The following PKN2 variants were observed in gnomAD, a reference collection of about 807,000 sequenced individuals.
The protein encoded by PKN2 is protein kinase N2.
PKN2 carries 38 observed loss-of-function variants against 119.1 expected under a neutral mutation model. The ratio of observed to expected loss-of-function variants is 0.32; its 90% CI spans 0.25 to 0.42. The LOEUF is 0.42. PKN2 is among the 10% of genes least tolerant of loss of function. The pLI, the probability that PKN2 is intolerant of heterozygous loss-of-function variation, is 1.00. For synonymous variants in PKN2, 390 were observed against 384.9 expected, an observed-to-expected ratio of 1.01 and a Z score of -0.15; for missense variants, 850 against 1,165.1, an observed-to-expected ratio of 0.73 and a Z score of 3.94.
intron 1 of PKN2, among the ~76,000 whole-genome samples, chr1:88,703,519 A>T (rs1030886771): frequency 2.0e-5 from 3 of 152,184 alleles, no homozygotes; most frequent in Admixed American, 6.5e-5. Context: ...CTGGCATTTG[A>T]AACTAGGTCT....
chr1:88,819,128 T>G (rs1672139281), intron 16 of PKN2, among the ~76,000 whole-genome samples: 1 of 152,112 alleles, frequency 6.6e-6, no homozygotes, highest in Non-Finnish European at 1.5e-5. Context: ...GGGCAAAGAC[T>G]TCATGACTAA....
At chr1:88,807,798 G>T in intron 15 of PKN2, 23 bp downstream of exon 15, 1 of 1,367,298 alleles carries the variant, frequency 7.3e-7, no homozygotes, top group Non-Finnish European at 1.0e-6. Flanking sequence ...AAATGAAATT[G>T]TTTATTTTTC....
chr1:88,776,756 GTCC>G (rs1466728333), intron 6 of PKN2, among the ~76,000 whole-genome samples: 3 of 150,638 alleles, frequency 2.0e-5, no homozygotes, highest in East Asian at 1.9e-4. Context: ...AAAAAAAAAA[GTCC>G]TCCTGCTTCC....
At position 88,835,602 on chromosome 1, in the gene PKN2, AGT is replaced by A. The variant is rs1395981051; in HGVS notation, c.*2157_*2158del. On this transcript the variant is annotated 3_prime_UTR_variant, in exon 22 of 22. Coordinates refer to ENST00000370521, the MANE Select transcript of PKN2 (RefSeq NM_006256.4). ...AGATTTAAAATTTTAAGCTTTATAGAGTGTAAATATATTTTGCTATTACTGTA... is the reference window on the plus strand; with the variant it reads ...AGATTTAAAATTTTAAGCTTTATAGAGTAAATATATTTTGCTATTACTGTA... The A allele has an allele frequency of 6.6e-6, 1 of 152,410 alleles. No individual in the cohort carries two copies. The highest frequency in any genetic ancestry group is 2.4e-5 in the African/African-American group (1 of 41,422). 9.4% of individuals were successfully genotyped at this position (152,410 alleles called of 1,614,324 possible).
At chr1:88,753,113 T>C (rs1007873481) in intron 2 of PKN2, among the ~76,000 whole-genome samples, 6 of 152,206 alleles carry the variant, frequency 3.9e-5, no homozygotes, top group Non-Finnish European at 8.8e-5. Flanking sequence ...TCGAACTCCT[T>C]AGAATGCTTT....
intron 11 of PKN2, 26 bp downstream of exon 11, chr1:88,805,697 T>C (rs1470227347): frequency 1.4e-5 from 23 of 1,611,572 alleles, no homozygotes; most frequent in Non-Finnish European, 1.9e-5. Flanking sequence ...TTTAAGCATC[T>C]CTTATACAAA....
chr1:88,788,440 AT>A (rs879512615), intron 8 of PKN2, among the ~76,000 whole-genome samples: 1,579 of 147,166 alleles, frequency 0.011, 20 homozygotes, highest in African/African-American at 0.036. Flanking sequence ...ATAATCCAGG[AT>A]TTTTTTTTTT....
In PKN2 at chr1:88,820,182, ATATATAT is replaced by A. The variant is rs1672192959; in HGVS notation, c.2280-1758_2280-1752del. ...ATCAAACAAATCTTTTCAGAAACCT[ATATATAT>A]ATATATATATATATATATATATATA... is the stretch of plus-strand genomic sequence containing the variant. On this transcript the variant is annotated intron_variant, in intron 16 of 21. Coordinates refer to ENST00000370521, the MANE Select transcript of PKN2 (RefSeq NM_006256.4). Among the ~76,000 whole-genome samples, 80 of 8,130 alleles carry A rather than the reference ATATATAT, an allele frequency of 9.8e-3. 1 individual carries two copies. Among genetic ancestry groups the A allele is most frequent in the South Asian group, 0.012 (2 of 164 alleles). The allele number at this position is 8,130 out of a possible 152,430, so 5.3% of individuals were successfully genotyped here. A position where few individuals can be genotyped will look rare whatever the true frequency, so the allele number is the denominator to read the frequency against.
chr1:88,744,550 A>G (rs1022172269), intron 2 of PKN2, among the ~76,000 whole-genome samples: 1 of 152,136 alleles, frequency 6.6e-6, no homozygotes, highest in African/African-American at 2.4e-5. Flanking sequence ...CCTCCCGAGT[A>G]GCTGGCACTA....
intron 6 of PKN2, among the ~76,000 whole-genome samples, chr1:88,779,654 A>T (rs961756238): frequency 6.6e-6 from 1 of 152,192 alleles, no homozygotes; most frequent in Non-Finnish European, 1.5e-5. Flanking sequence ...TATAAATATT[A>T]ATGCCAACAA....
chr1:88,802,111 G>A (rs1027583402), intron 8 of PKN2, among the ~76,000 whole-genome samples: 7 of 152,164 alleles, frequency 4.6e-5, no homozygotes, highest in Admixed American at 1.3e-4. Flanking sequence ...GGGCTAAAGC[G>A]TAAGAACTGA....
At chr1:88,697,328 T>G (rs551537298) in intron 1 of PKN2, among the ~76,000 whole-genome samples, 26 of 152,120 alleles carry the variant, frequency 1.7e-4, no homozygotes, top group Non-Finnish European at 3.4e-4. Context: ...TAAAAAACAT[T>G]ATATGACCAA....
chr1:88,736,292 C>T (rs149638675), intron 1 of PKN2, among the ~76,000 whole-genome samples: 24 of 152,234 alleles, frequency 1.6e-4, no homozygotes, highest in Non-Finnish European at 2.9e-5. Flanking sequence ...ACATCTCCAT[C>T]ACTTTAGGGT....
At chr1:88,724,882 G>GTTTTTTTTTTTTTTTTTTTTTTTT (rs60507382) in intron 1 of PKN2, among the ~76,000 whole-genome samples, 4 of 106,012 alleles carry the variant, frequency 3.8e-5, no homozygotes, top group African/African-American at 4.3e-5. Flanking sequence ...CCACCCCTTG[G>GTTTTTTTTTTTTTTTTTTTTTTTT]TTTTTTTTTT....
chr1:88,732,441 TTAAC>T (rs1668176650), intron 1 of PKN2, among the ~76,000 whole-genome samples: 1 of 152,200 alleles, frequency 6.6e-6, no homozygotes, highest in African/African-American at 2.4e-5. Flanking sequence ...TATACTGCTG[TTAAC>T]TAATCAAGGG....
At chr1:88,818,395 C>G (rs529927825) in intron 16 of PKN2, among the ~76,000 whole-genome samples, 2 of 152,278 alleles carry the variant, frequency 1.3e-5, no homozygotes, top group African/African-American at 4.8e-5. Context: ...CGCCTGTAAT[C>G]CCAGCACTTT....
intron 18 of PKN2, among the ~76,000 whole-genome samples, chr1:88,825,082 A>G (rs148829058): frequency 0.017 from 2,573 of 152,364 alleles, 47 homozygotes; most frequent in Non-Finnish European, 0.023. Flanking sequence ...TCCATAGTGC[A>G]TAACACAGTG....
chr1:88,746,737 C>G (rs149447927), intron 2 of PKN2, among the ~76,000 whole-genome samples: 3 of 152,110 alleles, frequency 2.0e-5, no homozygotes, highest in South Asian at 2.1e-4. Context: ...ATTTTACAAT[C>G]CAGCAATTCC....
chr1:88,734,296 C>G (rs934388845), intron 1 of PKN2, among the ~76,000 whole-genome samples: 33 of 152,036 alleles, frequency 2.2e-4, no homozygotes, highest in African/African-American at 7.2e-4. Context: ...GGAGCTTTCC[C>G]CTATATTTCC....
Sources: allele counts gnomAD v4.1 joint callset (sites outside exome capture counted in the v4.1 genomes callset), GRCh38; gene constraint gnomAD v4.1.1; transcripts MANE v1.5; gene names NCBI Gene and HGNC (gene_info 2026-07-23, HGNC 2026-07-21).